Variants in ADAMTS20 observed in about 807,000 individuals in gnomAD.
ADAMTS20 encodes the protein A disintegrin and metalloproteinase with thrombospondin motifs 20.
Under a neutral mutation model 260.1 loss-of-function variants are expected in ADAMTS20, and 225 were observed. That is an observed-to-expected ratio of 0.87 (90% CI 0.78 to 0.97). ADAMTS20 has a LOEUF of 0.97. ADAMTS20 is among the 50% of genes least tolerant of loss of function. The probability of loss-of-function intolerance (pLI) is 0.00; values close to 1 mark genes in which losing one functional copy is unlikely to be tolerated. For synonymous variants in ADAMTS20, 802 were observed against 769.5 expected, an observed-to-expected ratio of 1.04 and a Z score of -0.70; for missense variants, 2,400 against 2,337.7, an observed-to-expected ratio of 1.03 and a Z score of -0.55.
chr12:43,463,231 A>G (rs117133122), intron 10 of ADAMTS20, among the ~76,000 whole-genome samples: 1,710 of 152,346 alleles, frequency 0.011, 13 homozygotes, highest in Non-Finnish European at 0.017. Flanking sequence ...CATACATTGA[A>G]TAGGAGTTAT....
In ADAMTS20 at chr12:43,452,421, G is replaced by GA. The variant is rs1565555248; in HGVS notation, c.1943-12dup. The GA allele has an allele frequency of 1.2e-6, 2 of 1,604,872 alleles. No homozygotes were observed. Among genetic ancestry groups the GA allele is most frequent in the Non-Finnish European group, 1.7e-6 (2 of 1,177,490 alleles). On this transcript the variant is annotated splice_polypyrimidine_tract_variant and intron_variant, in intron 13 of 38. Coordinates refer to ENST00000389420, the MANE Select transcript of ADAMTS20 (RefSeq NM_025003.5). Reference sequence around the variant, plus strand: ...GATCCTTTGTGCCAACTGTAAAAAAGAAAAAGGTCAAATTTTTAATGTATA... The same window carrying GA: ...GATCCTTTGTGCCAACTGTAAAAAAGAAAAAAGGTCAAATTTTTAATGTATA...
At chr12:43,412,141 A>C (rs1941043692) in intron 28 of ADAMTS20, among the ~76,000 whole-genome samples, 1 of 152,226 alleles carries the variant, frequency 6.6e-6, no homozygotes, top group Non-Finnish European at 1.5e-5. Context: ...CACAGGAGCA[A>C]ACTTGTATAT....
In ADAMTS20 at chr12:43,356,597, TAA is replaced by T; in HGVS notation, c.5539-11_5539-10del. 6.3e-7 allele frequency: 1 copy of T among 1,585,728 alleles called. No individual in the cohort carries two copies. The highest frequency in any genetic ancestry group is 8.6e-7 in the Non-Finnish European group (1 of 1,161,598). On this transcript the variant is annotated splice_polypyrimidine_tract_variant and intron_variant, in intron 37 of 38. Coordinates refer to ENST00000389420, the MANE Select transcript of ADAMTS20 (RefSeq NM_025003.5). ...TTAATGCTAAACTGTCCCTGGATTGTAAATAAAACAAAGAAAAATAGATGGAA... is the reference window on the plus strand; with the variant it reads ...TTAATGCTAAACTGTCCCTGGATTGTATAAAACAAAGAAAAATAGATGGAA...
intron 14 of ADAMTS20, among the ~76,000 whole-genome samples, chr12:43,451,676 T>C (rs1941866215): frequency 6.6e-6 from 1 of 152,130 alleles, no homozygotes; most frequent in Admixed American, 6.6e-5. Context: ...AATATCTCCA[T>C]GCTACCTTGC....
Position 43,461,099 on chromosome 12 carries a change from T to C in ADAMTS20, c.1614+1796A>G, listed in dbSNP as rs562655904. Among the ~76,000 whole-genome samples the C allele has an allele frequency of 5.3e-4, 79 of 148,674 alleles. 2 individuals are homozygous for C. Among genetic ancestry groups the C allele is most frequent in the African/African-American group, 1.7e-3 (70 of 40,400 alleles). ...TCCGCCTCCCAGGTTCAAGCGATTATACTGAATCAGTCTCCTGAGTAGCTG... is the reference window on the plus strand; with the variant it reads ...TCCGCCTCCCAGGTTCAAGCGATTACACTGAATCAGTCTCCTGAGTAGCTG... On this transcript the variant is annotated intron_variant, in intron 11 of 38. Transcript: ENST00000389420.
chr12:43,514,722 C>T (rs1271320664), intron 3 of ADAMTS20, among the ~76,000 whole-genome samples: 1 of 151,828 alleles, frequency 6.6e-6, no homozygotes, highest in Non-Finnish European at 1.5e-5. Context: ...TTGTGATATT[C>T]CAAACTCTTC....
chr12:43,357,676 C>T (rs1289654414), intron 37 of ADAMTS20, among the ~76,000 whole-genome samples: 1 of 152,090 alleles, frequency 6.6e-6, no homozygotes, highest in Non-Finnish European at 1.5e-5. Context: ...TCACATACAA[C>T]ATCACTTGGT....
intron 3 of ADAMTS20, among the ~76,000 whole-genome samples, chr12:43,530,880 G>GA (rs573931795): frequency 4.0e-5 from 6 of 151,558 alleles, no homozygotes; most frequent in Non-Finnish European, 5.9e-5. Flanking sequence ...AAATTTTATA[G>GA]AAAAAAATGA....
intron 33 of ADAMTS20, 95 bp from the exon 34 acceptor site, chr12:43,376,425 C>A (rs1361390645): frequency 1.4e-6 from 2 of 1,452,244 alleles, no homozygotes; most frequent in South Asian, 1.3e-5. Flanking sequence ...GAATATCTGA[C>A]ACTTTGTTTT....
At chr12:43,520,653 G>A (rs1280380263) in intron 3 of ADAMTS20, among the ~76,000 whole-genome samples, 2 of 152,098 alleles carry the variant, frequency 1.3e-5, no homozygotes, top group African/African-American at 4.8e-5. Flanking sequence ...TAAACATGTT[G>A]GAAAGGAGAA....
At position 43,466,694 on chromosome 12, in the gene ADAMTS20, C is replaced by T. The variant is rs1321069558; in HGVS notation, c.1325G>A (p.Ser442Asn). 6.2e-7 allele frequency: 1 copy of T among 1,611,588 alleles called. No homozygotes were observed. Among genetic ancestry groups the T allele is most frequent in the South Asian group, 1.1e-5 (1 of 90,646 alleles). ...PALSFHMSPW[S>N]WSNCSRKYVT... ...ATATTTCCGACTACAGTTTGACCAG[C>T]TCCAAGGACTCATGTGAAAACTTAA... The change falls in exon 9 of 39, where the codon AGC (serine) becomes AAC (asparagine). Residue 442 changes from serine to asparagine, a missense_variant. Ser to Asn is a conservative substitution (Grantham distance 46, BLOSUM62 1). Transcript: ENST00000389420.
At chr12:43,401,791 C>A (rs1161868942) in intron 28 of ADAMTS20, among the ~76,000 whole-genome samples, 3 of 150,290 alleles carry the variant, frequency 2.0e-5, no homozygotes, top group Admixed American at 6.6e-5. Context: ...GTCTTAATAG[C>A]AAACCAAACT....
intron 36 of ADAMTS20, among the ~76,000 whole-genome samples, chr12:43,371,982 A>C (rs1940118385): frequency 6.6e-6 from 1 of 152,198 alleles, no homozygotes. Context: ...GCAGTGGTAA[A>C]CATTTGGGTT....
chr12:43,548,006 G>A (rs370129929), intron 2 of ADAMTS20, among the ~76,000 whole-genome samples: 15 of 152,054 alleles, frequency 9.9e-5, no homozygotes, highest in African/African-American at 3.1e-4. Flanking sequence ...CTCATAACAC[G>A]TTATAACCCT....
intron 3 of ADAMTS20, among the ~76,000 whole-genome samples, chr12:43,503,613 T>C (rs2137450474): frequency 6.6e-6 from 1 of 152,256 alleles, no homozygotes; most frequent in South Asian, 2.1e-4. Flanking sequence ...AGGTTTGTTC[T>C]GCAGGTAAAC....
rs542414213 is a variant in ADAMTS20 at position 43,377,523 on chromosome 12, T to C, written c.4837A>G (p.Thr1613Ala). ...NCGFSYRQRI[T>A]YCTEIPSTKK... is the part of the protein sequence containing the mutation. ...GTAGATGGGATCTCGGTGCAATATG[T>C]AATCCTTTGTCTGTAACTAAATCCA... Residue 1613 changes from threonine to alanine, a missense_variant, in exon 32 of 39, where the codon ACA becomes GCA. Transcript: ENST00000389420. The C allele has an allele frequency of 3.8e-5, 62 of 1,613,538 alleles. No individual in the cohort carries two copies. Among genetic ancestry groups the C allele is most frequent in the Middle Eastern group, 3.3e-4 (2 of 6,060 alleles).
At chr12:43,448,170 C>G (rs1424085870) in intron 14 of ADAMTS20, among the ~76,000 whole-genome samples, 2 of 152,130 alleles carry the variant, frequency 1.3e-5, no homozygotes, top group Admixed American at 6.5e-5. Context: ...AAAAAAAGAG[C>G]CTGAATAGCC....
intron 3 of ADAMTS20, among the ~76,000 whole-genome samples, chr12:43,518,817 GAAAAAAAAA>G (rs34834714): frequency 1.8e-5 from 2 of 111,996 alleles, no homozygotes; most frequent in African/African-American, 6.7e-5. Flanking sequence ...ACTGGCTCAG[GAAAAAAAAA>G]AAAAAAAAAA....
chr12:43,480,730 C>T (rs1023413638), intron 7 of ADAMTS20, among the ~76,000 whole-genome samples: 2 of 152,084 alleles, frequency 1.3e-5, no homozygotes, highest in African/African-American at 4.8e-5. Context: ...CACATGATCT[C>T]ATTTACATGG....
Sources: gnomAD v4.1 joint callset for allele counts (sites outside exome capture counted in the v4.1 genomes callset) on GRCh38, gnomAD v4.1.1 for gene constraint, MANE v1.5 for transcripts, NCBI Gene and HGNC (gene_info 2026-07-23, HGNC 2026-07-21) for gene names.